The following SUGCT variants were observed in gnomAD, a reference collection of about 807,000 sequenced individuals.
The protein encoded by SUGCT is succinyl-CoA:glutarate-CoA transferase.
A neutral mutation model predicts 55.0 loss-of-function variants in SUGCT; 41 were observed. That is an observed-to-expected ratio of 0.74 (90% CI 0.58 to 0.97). The LOEUF is 0.97. Among genes scored for constraint, SUGCT ranks in the 50% least tolerant of loss-of-function variants. SUGCT has a pLI of 0.00. For synonymous variants in SUGCT, 187 were observed against 200.4 expected, an observed-to-expected ratio of 0.93 and a Z score of 0.56; for missense variants, 568 against 547.8, an observed-to-expected ratio of 1.04 and a Z score of -0.37.
intron 12 of SUGCT, among the ~76,000 whole-genome samples, chr7:40,523,579 C>T (rs940325874): frequency 6.6e-6 from 1 of 152,026 alleles, no homozygotes; most frequent in Non-Finnish European, 1.5e-5. Context: ...AAATAGGTCT[C>T]ACCGGGCTAA....
chr7:40,252,407 CTG>C (rs1281570699), intron 7 of SUGCT, among the ~76,000 whole-genome samples: 1 of 152,134 alleles, frequency 6.6e-6, no homozygotes, highest in Non-Finnish European at 1.5e-5. Flanking sequence ...GCATGCGCCA[CTG>C]TGCCTGGCCC....
At chr7:40,202,527 T>C (rs1357657598) in intron 6 of SUGCT, among the ~76,000 whole-genome samples, 5 of 152,166 alleles carry the variant, frequency 3.3e-5, no homozygotes, top group Non-Finnish European at 5.9e-5. Flanking sequence ...TCATTATCCA[T>C]CTTTTCCTAT....
At chr7:40,486,328 A>T (rs901438518) in intron 11 of SUGCT, among the ~76,000 whole-genome samples, 1 of 151,944 alleles carries the variant, frequency 6.6e-6, no homozygotes, top group Admixed American at 6.6e-5. Flanking sequence ...TGTCTTTTTA[A>T]ATGTTTTTGG....
intron 12 of SUGCT, among the ~76,000 whole-genome samples, chr7:40,579,629 G>A (rs145033734): frequency 6.6e-6 from 1 of 152,326 alleles, no homozygotes; most frequent in Non-Finnish European, 1.5e-5. Context: ...TGGTGTGGGG[G>A]TGTCGTAGCA....
intron 11 of SUGCT, among the ~76,000 whole-genome samples, chr7:40,461,674 T>A (rs529246400): frequency 1.3e-5 from 2 of 152,154 alleles, no homozygotes; most frequent in South Asian, 4.1e-4. Context: ...CTCAACATTC[T>A]CGTCTTGCTC....
At chr7:41,007,377 A>T in the SUGCT span, among the ~76,000 whole-genome samples, 1 of 152,216 alleles carries the variant, frequency 6.6e-6, no homozygotes, top group African/African-American at 2.4e-5. Context: ...AATCCAGAGT[A>T]AAGCTAGGGA....
intron 12 of SUGCT, among the ~76,000 whole-genome samples, chr7:40,732,664 A>T (rs1340702503): frequency 6.6e-6 from 1 of 152,202 alleles, no homozygotes; most frequent in Non-Finnish European, 1.5e-5. Flanking sequence ...GCTGGAACTC[A>T]GAAGGCAGCA....
intron 9 of SUGCT, among the ~76,000 whole-genome samples, chr7:40,426,617 G>A (rs1327140587): frequency 2.0e-5 from 3 of 152,138 alleles, no homozygotes; most frequent in African/African-American, 7.2e-5. Flanking sequence ...TGTTTCCATA[G>A]ATGGAAGACA....
intron 3 of SUGCT, among the ~76,000 whole-genome samples, chr7:40,182,629 C>A (rs1785284104): frequency 6.6e-6 from 1 of 151,908 alleles, no homozygotes; most frequent in South Asian, 2.1e-4. Flanking sequence ...ATAATGACAC[C>A]TACAGTGCCG....
intron 9 of SUGCT, among the ~76,000 whole-genome samples, chr7:40,410,683 A>G (rs756077623): frequency 1.3e-5 from 2 of 152,138 alleles, no homozygotes; most frequent in Non-Finnish European, 2.9e-5. Context: ...TTTCTCTAGG[A>G]GGCATAGGTG....
At chr7:40,405,832 A>G (rs973165744) in intron 9 of SUGCT, among the ~76,000 whole-genome samples, 1 of 141,030 alleles carries the variant, frequency 7.1e-6, no homozygotes, top group African/African-American at 2.6e-5. Flanking sequence ...AAAAAAAAAG[A>G]AAAACCAATG....
intron 11 of SUGCT, among the ~76,000 whole-genome samples, chr7:40,488,045 C>A (rs1791477381): frequency 6.7e-6 from 1 of 149,350 alleles, no homozygotes; most frequent in Non-Finnish European, 1.5e-5. Context: ...AGAATTTAAT[C>A]CAACAAATTC....
rs144078535 is a variant in SUGCT at position 40,555,792 on chromosome 7, C to T, written c.1089+59406C>T. ...GAAAGTGCTCAATACCTTCATATCT[C>T]GGTGTGGCTGCTCATGTTTGAATGG... On this transcript the variant is annotated intron_variant, in intron 12 of 13. Transcript: ENST00000335693. Among the ~76,000 whole-genome samples, 80 of 152,104 alleles carry T rather than the reference C, an allele frequency of 5.3e-4. 3 individuals are homozygous for T. The highest frequency in any genetic ancestry group is 4.4e-3 in the East Asian group (23 of 5,178).
intron 11 of SUGCT, among the ~76,000 whole-genome samples, chr7:40,487,641 A>G (rs1791455915): frequency 6.6e-6 from 1 of 151,894 alleles, no homozygotes; most frequent in African/African-American, 2.4e-5. Flanking sequence ...ATTGCCGTTA[A>G]TCTCTCCTTT....
intron 8 of SUGCT, among the ~76,000 whole-genome samples, chr7:40,294,470 G>C (rs896055957): frequency 6.6e-6 from 1 of 152,152 alleles, no homozygotes. Context: ...GATTCCGCTG[G>C]TCACATATTG....
At chr7:40,541,279 G>C (rs1357329985) in intron 12 of SUGCT, among the ~76,000 whole-genome samples, 1 of 152,168 alleles carries the variant, frequency 6.6e-6, no homozygotes, top group Non-Finnish European at 1.5e-5. Context: ...CCAAGTAATG[G>C]CAGAAATGTA....
chr7:40,942,974 T>C, the SUGCT span, among the ~76,000 whole-genome samples: 1 of 152,028 alleles, frequency 6.6e-6, no homozygotes, highest in Non-Finnish European at 1.5e-5. Context: ...GAATTTTTTT[T>C]ACATTTCTTT....
intron 12 of SUGCT, among the ~76,000 whole-genome samples, chr7:40,677,577 C>T (rs1255672389): frequency 6.6e-6 from 1 of 152,168 alleles, no homozygotes; most frequent in East Asian, 1.9e-4. Flanking sequence ...CTCTTTCTAC[C>T]TGCTCCTTTT....
At chr7:40,654,151 A>G (rs897940563) in intron 12 of SUGCT, among the ~76,000 whole-genome samples, 4 of 152,342 alleles carry the variant, frequency 2.6e-5, no homozygotes, top group South Asian at 4.1e-4. Context: ...TTGATGTTAA[A>G]TTAAGATGCT....
Sources: allele counts gnomAD v4.1 joint callset (sites outside exome capture counted in the v4.1 genomes callset), GRCh38; gene constraint gnomAD v4.1.1; transcripts MANE v1.5; gene names NCBI Gene and HGNC (gene_info 2026-07-23, HGNC 2026-07-21).